The following MRPL54 variants were observed in gnomAD, a reference collection of about 807,000 sequenced individuals.
The protein encoded by MRPL54 is mitochondrial ribosomal protein L54, also known as large ribosomal subunit protein mL54.
Under a neutral mutation model 15.6 loss-of-function variants are expected in MRPL54, and 12 were observed. The observed-to-expected ratio is 0.77, with a 90% CI of 0.49 to 1.24. The LOEUF is 1.24. MRPL54 is among the 50% of genes most tolerant of loss of function. The pLI, the probability that MRPL54 is intolerant of heterozygous loss-of-function variation, is 0.00. For missense variants in MRPL54, 178 were observed against 186.8 expected, an observed-to-expected ratio of 0.95 and a Z score of 0.28; for synonymous variants, 91 against 75.7, an observed-to-expected ratio of 1.20 and a Z score of -1.05.
Position 3,765,342 on chromosome 19 carries a change from C to T in MRPL54, c.284+11C>T. On this transcript the variant is annotated intron_variant, in intron 2 of 2. Transcript: ENST00000330133. ...TGAGTACCCTGAATGGTGAGTAGGC[C>T]AGGCTGTGTCATCCTGCAATGACTA... is the stretch of plus-strand genomic sequence containing the variant. 1.2e-6 allele frequency: 2 copies of T among 1,612,412 alleles called. No individual in the cohort carries two copies. Among genetic ancestry groups the T allele is most frequent in the Non-Finnish European group, 1.7e-6 (2 of 1,179,338 alleles).
chr19:3,764,771 G>C (rs951901829), intron 1 of MRPL54, among the ~76,000 whole-genome samples: 4 of 149,940 alleles, frequency 2.7e-5, no homozygotes, highest in Non-Finnish European at 4.4e-5. Flanking sequence ...GCTCACGCCT[G>C]TAATCCCAAC....
intron 2 of MRPL54, 142 bp from the exon 3 acceptor site, chr19:3,767,119 G>C: frequency 9.2e-7 from 1 of 1,084,886 alleles, no homozygotes; most frequent in Non-Finnish European, 1.3e-6. Context: ...GCCCAGGGTC[G>C]GGGAGGGACC....
intron 1 of MRPL54, 92 bp downstream of exon 1, chr19:3,762,910 C>T: frequency 9.2e-7 from 1 of 1,086,828 alleles, no homozygotes; most frequent in Non-Finnish European, 1.3e-6. Context: ...GGTGCTAGAA[C>T]TGATGCGCAA....
chr19:3,765,975 GGTCTTGGCTCA>G (rs2037194937), intron 2 of MRPL54, among the ~76,000 whole-genome samples: 3 of 151,650 alleles, frequency 2.0e-5, no homozygotes, highest in Admixed American at 2.0e-4. Context: ...GCAGTCATGT[GGTCTTGGCTCA>G]CTGCAACCTC....
chr19:3,762,960 G>C, intron 1 of MRPL54, 142 bp downstream of exon 1: 1 of 701,938 alleles, frequency 1.4e-6, no homozygotes, highest in South Asian at 2.1e-5. Flanking sequence ...CGCAGGCGCA[G>C]TTTGAGGGAC....
chr19:3,762,922 C>T lies in MRPL54; in HGVS notation c.118+104C>T, dbSNP rs1218004442. On this transcript the variant is annotated intron_variant, in intron 1 of 2. Transcript: ENST00000330133. ...GGTGGTGCTAGAACTGATGCGCAAG[C>T]GCAGAGAGGCGGATGCCAGGCTGTA... 6 of 978,060 alleles carry T rather than the reference C, an allele frequency of 6.1e-6. No homozygotes were observed. The South Asian group carries it at 9.1e-5, about 15-fold the overall frequency. The allele number at this position is 978,060 out of a possible 1,614,324, so 60.6% of individuals were successfully genotyped here.
intron 1 of MRPL54, 45 bp from the exon 2 acceptor site, chr19:3,765,121 A>G: frequency 6.4e-7 from 1 of 1,566,548 alleles, no homozygotes; most frequent in African/African-American, 1.4e-5. Context: ...TTTGGCTTCC[A>G]GAGGAGGGGC....
Position 3,767,281 on chromosome 19 carries a change from G to T in MRPL54, c.305G>T (p.Gly102Val), listed in dbSNP as rs372228610. 49 of 1,612,510 alleles carry T rather than the reference G, an allele frequency of 3.0e-5. No individual in the cohort carries two copies. The highest frequency in any genetic ancestry group is 3.9e-5 in the Non-Finnish European group (46 of 1,179,446). The change falls in exon 3 of 3, where the codon GGT becomes GTT. Residue 102 changes from glycine to valine, a missense_variant. Coordinates refer to ENST00000330133, the MANE Select transcript of MRPL54 (RefSeq NM_172251.3). Reference protein sequence around the residue: ...YPEWLFEMNLGPPKTLEELDP... With the variant: ...YPEWLFEMNLVPPKTLEELDP... ...GTCAGGCTGTTCGAGATGAACTTGGGTCCCCCAAAGACCCTGGAGGAGCTG... is the reference window on the plus strand; with the variant it reads ...GTCAGGCTGTTCGAGATGAACTTGGTTCCCCCAAAGACCCTGGAGGAGCTG...
At position 3,765,151 on chromosome 19, in the gene MRPL54, C is replaced by T. The variant is rs914339407; in HGVS notation, c.119-15C>T. The stretch of plus-strand genomic sequence containing the variant: ...AGGGGCTGGGCTGAAATGACTCTCC[C>T]TCTCGTCTCCCCAGTTATGAAGGGG... On this transcript the variant is annotated splice_polypyrimidine_tract_variant and intron_variant, in intron 1 of 2. Coordinates refer to ENST00000330133, the MANE Select transcript of MRPL54 (RefSeq NM_172251.3). The T allele has an allele frequency of 1.9e-6, 3 of 1,601,124 alleles. No homozygotes were observed. Among genetic ancestry groups the T allele is most frequent in the Non-Finnish European group, 2.6e-6 (3 of 1,173,144 alleles).
chr19:3,763,492 AG>A (rs2037170280), intron 1 of MRPL54, among the ~76,000 whole-genome samples: 1 of 152,148 alleles, frequency 6.6e-6, no homozygotes, highest in Non-Finnish European at 1.5e-5. Flanking sequence ...AGTGATTTCG[AG>A]GCCAGGCATG....
chr19:3,766,541 A>G (rs780010485), intron 2 of MRPL54, among the ~76,000 whole-genome samples: 17 of 152,230 alleles, frequency 1.1e-4, no homozygotes, highest in South Asian at 4.1e-4. Flanking sequence ...CACTGACTGC[A>G]TGCCAGGCCC....
At chr19:3,765,817 G>A (rs754128278) in intron 2 of MRPL54, among the ~76,000 whole-genome samples, 5 of 151,012 alleles carry the variant, frequency 3.3e-5, no homozygotes, top group Non-Finnish European at 7.4e-5. Flanking sequence ...AGAATTGCTT[G>A]AGCCTGGGAG....
Position 3,763,507 on chromosome 19 carries a change from G to A in MRPL54, c.118+689G>A, listed in dbSNP as rs555904290. 4.9e-4 allele frequency among the ~76,000 whole-genome samples: 74 copies of A among 152,112 alleles called. 1 individual carries two copies. Among genetic ancestry groups the A allele is most frequent in the Admixed American group, 4.8e-3 (74 of 15,262 alleles). ...AGTGATTTCGAGGCCAGGCATGATG[G>A]CTCACACCTTTATTCCCGGCACTTT... On this transcript the variant is annotated intron_variant, in intron 1 of 2. Coordinates refer to ENST00000330133, the MANE Select transcript of MRPL54 (RefSeq NM_172251.3).
At chr19:3,765,109 A>C in intron 1 of MRPL54, 57 bp from the exon 2 acceptor site, 1 of 1,547,544 alleles carries the variant, frequency 6.5e-7, no homozygotes. Context: ...CTGTGAGAGA[A>C]GTTTGGCTTC....
Position 3,767,295 on chromosome 19 carries a change from C to T in MRPL54, c.319C>T (p.Leu107=), listed in dbSNP as rs752752215. Residue 107 remains leucine, a synonymous_variant, in exon 3 of 3, where the codon CTG becomes TTG. Coordinates refer to ENST00000330133, the MANE Select transcript of MRPL54 (RefSeq NM_172251.3). ...GATGAACTTGGGTCCCCCAAAGACCCTGGAGGAGCTGGACCCCGAGAGCCG... is the reference window on the plus strand; with the variant it reads ...GATGAACTTGGGTCCCCCAAAGACCTTGGAGGAGCTGGACCCCGAGAGCCG... ...FEMNLGPPKT[L]EELDPESREY... The T allele has an allele frequency of 6.2e-7, 1 of 1,612,760 alleles. No homozygotes were observed. The highest frequency in any genetic ancestry group is 8.5e-7 in the Non-Finnish European group (1 of 1,179,512).
intron 1 of MRPL54, among the ~76,000 whole-genome samples, chr19:3,763,064 A>C (rs1471816414): frequency 6.6e-6 from 1 of 152,170 alleles, no homozygotes; most frequent in African/African-American, 2.4e-5. Flanking sequence ...GCGGCCTGGG[A>C]GGAGGATGTG....
At chr19:3,765,125 G>C in intron 1 of MRPL54, 41 bp from the exon 2 acceptor site, 1 of 1,571,958 alleles carries the variant, frequency 6.4e-7, no homozygotes, top group Non-Finnish European at 8.6e-7. Flanking sequence ...GCTTCCAGAG[G>C]AGGGGCTGGG....
chr19:3,765,146 T>C lies in MRPL54; in HGVS notation c.119-20T>C. The stretch of plus-strand genomic sequence containing the variant: ...AGAGGAGGGGCTGGGCTGAAATGAC[T>C]CTCCCTCTCGTCTCCCCAGTTATGA... On this transcript the variant is annotated intron_variant, in intron 1 of 2. Transcript: ENST00000330133. 1.3e-6 allele frequency: 2 copies of C among 1,594,752 alleles called. No homozygotes were observed. The highest frequency in any genetic ancestry group is 1.7e-6 in the Non-Finnish European group (2 of 1,169,680).
intron 1 of MRPL54, among the ~76,000 whole-genome samples, chr19:3,764,791 G>A (rs1230186852): frequency 3.3e-5 from 5 of 151,836 alleles, no homozygotes; most frequent in Non-Finnish European, 5.9e-5. Context: ...CACTTTGGGA[G>A]GCCAAGGTGG....
Sources: gnomAD v4.1 joint callset for allele counts (sites outside exome capture counted in the v4.1 genomes callset) on GRCh38, gnomAD v4.1.1 for gene constraint, MANE v1.5 for transcripts, NCBI Gene and HGNC (gene_info 2026-07-23, HGNC 2026-07-21) for gene names.